The following SRBD1 variants were observed in gnomAD, a reference collection of about 807,000 sequenced individuals.
SRBD1 encodes the protein S1 RNA-binding domain-containing protein 1.
SRBD1 carries 88 observed loss-of-function variants against 115.3 expected under a neutral mutation model. That is an observed-to-expected ratio of 0.76 (90% CI 0.64 to 0.91). The LOEUF (loss-of-function observed/expected upper bound fraction) is 0.91, where lower values mean the gene tolerates loss of function less well. Ranked by LOEUF, SRBD1 falls within the 40% of genes least tolerant of loss-of-function variation. SRBD1 has a pLI of 0.00. For missense variants in SRBD1, 1,385 were observed against 1,177.4 expected, an observed-to-expected ratio of 1.18 and a Z score of -2.58; for synonymous variants, 509 against 407.7, an observed-to-expected ratio of 1.25 and a Z score of -2.99.
intron 9 of SRBD1, among the ~76,000 whole-genome samples, chr2:45,571,009 G>T (rs542397624): frequency 5.9e-5 from 9 of 152,256 alleles, no homozygotes; most frequent in Admixed American, 1.3e-4. Flanking sequence ...AATAAACTTG[G>T]AAATGAGATA....
intron 16 of SRBD1, among the ~76,000 whole-genome samples, chr2:45,473,591 T>C (rs1669715886): frequency 6.6e-6 from 1 of 152,208 alleles, no homozygotes; most frequent in Non-Finnish European, 1.5e-5. Context: ...TTTAGAATTA[T>C]GAGTTCAAAA....
chr2:45,528,416 G>C (rs3821059), intron 14 of SRBD1, among the ~76,000 whole-genome samples: 43,624 of 151,660 alleles, frequency 0.29, 6,510 homozygotes, highest in African/African-American at 0.37. Flanking sequence ...TGGGGTATAT[G>C]ACAGAATAAG....
intron 14 of SRBD1, among the ~76,000 whole-genome samples, chr2:45,505,178 A>G (rs140912182): frequency 1.3e-5 from 2 of 152,266 alleles, no homozygotes; most frequent in Admixed American, 6.5e-5. Flanking sequence ...AAAATCAGTT[A>G]TATCTGTCTT....
At chr2:45,548,208 A>G (rs1307485214) in intron 12 of SRBD1, among the ~76,000 whole-genome samples, 2 of 151,574 alleles carry the variant, frequency 1.3e-5, no homozygotes, top group African/African-American at 2.4e-5. Flanking sequence ...AAATAACCCA[A>G]AGAAAGCAGA....
At chr2:45,476,617 C>T (rs1018365065) in intron 16 of SRBD1, among the ~76,000 whole-genome samples, 1 of 152,172 alleles carries the variant, frequency 6.6e-6, no homozygotes, top group African/African-American at 2.4e-5. Context: ...ATAAGATCTA[C>T]TTATCTACTG....
chr2:45,591,950 A>T (rs991388625), intron 4 of SRBD1, among the ~76,000 whole-genome samples: 5 of 152,158 alleles, frequency 3.3e-5, no homozygotes, highest in African/African-American at 9.7e-5. Flanking sequence ...CCAAATCTCA[A>T]CTTGAATTGT....
At chr2:45,506,599 C>T (rs1166706422) in intron 14 of SRBD1, among the ~76,000 whole-genome samples, 1 of 152,142 alleles carries the variant, frequency 6.6e-6, no homozygotes, top group Non-Finnish European at 1.5e-5. Context: ...CCTATATTAT[C>T]TTGCCTTGTC....
intron 16 of SRBD1, among the ~76,000 whole-genome samples, chr2:45,475,057 A>G (rs1178399029): frequency 2.6e-5 from 4 of 152,108 alleles, no homozygotes; most frequent in East Asian, 3.9e-4. Flanking sequence ...AGACTCATAT[A>G]TCCAACTCCT....
chr2:45,577,080 T>C (rs1673202019), intron 7 of SRBD1, among the ~76,000 whole-genome samples: 1 of 152,190 alleles, frequency 6.6e-6, no homozygotes, highest in African/African-American at 2.4e-5. Flanking sequence ...CAGATAACTC[T>C]GATACTCATT....
At chr2:45,462,252 G>A (rs572800911) in intron 16 of SRBD1, among the ~76,000 whole-genome samples, 22 of 152,086 alleles carry the variant, frequency 1.4e-4, no homozygotes, top group African/African-American at 1.4e-4. Flanking sequence ...TATACATAGC[G>A]CCCTCATACA....
At chr2:45,526,227 A>C (rs957490309) in intron 14 of SRBD1, among the ~76,000 whole-genome samples, 3 of 152,112 alleles carry the variant, frequency 2.0e-5, no homozygotes, top group Non-Finnish European at 4.4e-5. Flanking sequence ...ATAAATGGAT[A>C]AACAAAATGT....
intron 18 of SRBD1, among the ~76,000 whole-genome samples, chr2:45,416,202 C>T (rs970113972): frequency 4.6e-5 from 7 of 151,246 alleles, no homozygotes; most frequent in Admixed American, 3.9e-4. Flanking sequence ...TGAGTAAAAC[C>T]ACAAAATCTA....
At chr2:45,396,719 G>C (rs986401740) in intron 19 of SRBD1, among the ~76,000 whole-genome samples, 6 of 152,140 alleles carry the variant, frequency 3.9e-5, no homozygotes, top group Non-Finnish European at 8.8e-5. Flanking sequence ...AGTCTTGTAA[G>C]GCTTTTCCCA....
At chr2:45,442,100 A>C (rs1404606696) in intron 16 of SRBD1, among the ~76,000 whole-genome samples, 1 of 152,208 alleles carries the variant, frequency 6.6e-6, no homozygotes, top group Non-Finnish European at 1.5e-5. Context: ...TCATACAATA[A>C]AAAGATACCA....
intron 16 of SRBD1, among the ~76,000 whole-genome samples, chr2:45,437,803 A>T (rs189945924): frequency 3.8e-4 from 58 of 152,320 alleles, no homozygotes; most frequent in African/African-American, 1.3e-3. Flanking sequence ...TGAAACCATA[A>T]AACTAGGCAA....
intron 16 of SRBD1, among the ~76,000 whole-genome samples, chr2:45,471,799 T>C (rs1669657054): frequency 1.3e-5 from 2 of 152,150 alleles, no homozygotes; most frequent in Admixed American, 1.3e-4. Context: ...GCTCTTTACA[T>C]ATTTTATGTA....
At chr2:45,414,828 T>C (rs1474587698) in intron 18 of SRBD1, among the ~76,000 whole-genome samples, 2 of 148,264 alleles carry the variant, frequency 1.3e-5, no homozygotes, top group Non-Finnish European at 3.0e-5. Flanking sequence ...AGTGTGTATA[T>C]AGTATGTACA....
At chr2:45,491,459 T>G (rs1670289567) in intron 14 of SRBD1, among the ~76,000 whole-genome samples, 1 of 152,198 alleles carries the variant, frequency 6.6e-6, no homozygotes. Flanking sequence ...ACTGCCACAG[T>G]TGTAATTCAA....
At chr2:45,499,069 A>C (rs1048132940) in intron 14 of SRBD1, among the ~76,000 whole-genome samples, 1 of 152,080 alleles carries the variant, frequency 6.6e-6, no homozygotes, top group South Asian at 2.1e-4. Flanking sequence ...TAGGGAACCC[A>C]TATAGAATTT....
Sources: gnomAD v4.1 joint callset for allele counts (sites outside exome capture counted in the v4.1 genomes callset) on GRCh38, gnomAD v4.1.1 for gene constraint, MANE v1.5 for transcripts, NCBI Gene and HGNC (gene_info 2026-07-23, HGNC 2026-07-21) for gene names.